The following RSRP1 variants were observed in gnomAD, a reference collection of about 807,000 sequenced individuals.
The protein encoded by RSRP1 is arginine and serine rich protein 1, also known as arginine/serine-rich protein 1.
A neutral mutation model predicts 33.0 loss-of-function variants in RSRP1; 37 were observed. The observed-to-expected ratio is 1.12, with a 90% CI of 0.86 to 1.48. The LOEUF (loss-of-function observed/expected upper bound fraction) is 1.48, where lower values mean the gene tolerates loss of function less well. Among genes scored for constraint, RSRP1 ranks in the 40% most tolerant of loss-of-function variants. The pLI is 0.00. For missense variants in RSRP1, 402 were observed against 385.3 expected, an observed-to-expected ratio of 1.04 and a Z score of -0.36; for synonymous variants, 167 against 158.7, an observed-to-expected ratio of 1.05 and a Z score of -0.40.
intron 3 of RSRP1, chr1:25,244,385 C>CT (rs1418056101): frequency 2.1e-5 from 27 of 1,289,316 alleles, no homozygotes; most frequent in Non-Finnish European, 2.5e-5. Context: ...AACAAAAAAA[C>CT]TAAGTTTTCA....
rs1210865236 is a variant in RSRP1, at chr1:25,332,045, T to C, written c.-67+5933A>G. Among the ~76,000 whole-genome samples the C allele has an allele frequency of 1.7e-5, 2 of 121,108 alleles. 1 individual carries two copies. The highest frequency in any genetic ancestry group is 1.6e-4 in the Admixed American group (2 of 12,434). The allele number at this position is 121,108 out of a possible 152,430, so 79.5% of individuals were successfully genotyped here. A position where few individuals can be genotyped will look rare whatever the true frequency, so the allele number is the denominator to read the frequency against. Reference sequence around the variant, plus strand: ...ATGAGCCACCGCGCCCAGCAGATTTTTTTTTTTTTTTTTGAGATGGAGTCT... The same window carrying C: ...ATGAGCCACCGCGCCCAGCAGATTTCTTTTTTTTTTTTTGAGATGGAGTCT... On this transcript the variant is annotated intron_variant, in intron 1 of 1. Transcript: ENST00000561867.
chr1:25,307,975 T>C (rs1485276945), intron 1 of RSRP1, among the ~76,000 whole-genome samples: 1 of 125,750 alleles, frequency 8.0e-6, no homozygotes, highest in African/African-American at 2.8e-5. Context: ...CTCTGAAAGA[T>C]GAGGACTTGA....
At chr1:25,244,002 C>T in intron 3 of RSRP1, 1 of 1,186,232 alleles carries the variant, frequency 8.4e-7, no homozygotes, top group African/African-American at 1.6e-5. Context: ...ACCTTGTCTA[C>T]TAATACTGAG....
At chr1:25,319,243 G>T (rs1430480798) in intron 1 of RSRP1, among the ~76,000 whole-genome samples, 1 of 131,930 alleles carries the variant, frequency 7.6e-6, no homozygotes, top group African/African-American at 2.6e-5. Context: ...GAGAATAGAG[G>T]AAAAGACAAT....
At chr1:25,259,646 G>A (rs192825617) in intron 1 of RSRP1, among the ~76,000 whole-genome samples, 1 of 152,182 alleles carries the variant, frequency 6.6e-6, no homozygotes, top group Non-Finnish European at 1.5e-5. Context: ...GGGATTACAA[G>A]TGCACACTAC....
upstream of RSRP1, among the ~76,000 whole-genome samples, chr1:25,251,519 G>A (rs1266394793): frequency 6.6e-6 from 1 of 151,948 alleles, no homozygotes; most frequent in Admixed American, 6.6e-5. Flanking sequence ...ACAGGCTTGT[G>A]CCATCATGCC....
rs1376159591 is a variant in RSRP1 at position 25,294,082 on chromosome 1, T to C, written c.-67+43896A>G. 3.9e-5 allele frequency: 26 copies of C among 674,586 alleles called. 6 individuals are homozygous for C. Among genetic ancestry groups the C allele is most frequent in the Admixed American group, 5.8e-5 (3 of 51,544 alleles). The allele number at this position is 674,586 out of a possible 1,614,324, so 41.8% of individuals were successfully genotyped here. On this transcript the variant is annotated intron_variant, in intron 1 of 1. Transcript: ENST00000561867. ...CACCAATGGGCTTATCTGTTATTTCTTCCTTATTGTGAGCTTAATGGCATG... is the reference window on the plus strand; with the variant it reads ...CACCAATGGGCTTATCTGTTATTTCCTCCTTATTGTGAGCTTAATGGCATG...
chr1:25,311,370 C>T (rs143704756), intron 1 of RSRP1, among the ~76,000 whole-genome samples: 3,008 of 130,298 alleles, frequency 0.023, 472 homozygotes, highest in African/African-American at 0.072. Flanking sequence ...AACTAGTACA[C>T]ATAAATTAGC....
At chr1:25,292,091 T>C (rs912891574) in intron 1 of RSRP1, among the ~76,000 whole-genome samples, 1 of 132,520 alleles carries the variant, frequency 7.5e-6, no homozygotes, top group African/African-American at 2.6e-5. Flanking sequence ...AGTTTCTTCA[T>C]CTGTAATATG....
At chr1:25,243,767 T>C (rs1323364903) in intron 3 of RSRP1, 134 bp from the exon 4 acceptor site, 4 of 1,432,678 alleles carry the variant, frequency 2.8e-6, no homozygotes, top group Non-Finnish European at 3.7e-6. Flanking sequence ...ACAGCCTAAG[T>C]AACAGAACTA....
At position 25,303,575 on chromosome 1, in the gene RSRP1, T is replaced by C. The variant is rs1643566478; in HGVS notation, c.-67+34403A>G. ...ATTAGGCAGGTGTCGGCGCATTCTCTTATTGGCTTCAACGCCTAGTGAGGG... is the reference window on the plus strand; with the variant it reads ...ATTAGGCAGGTGTCGGCGCATTCTCCTATTGGCTTCAACGCCTAGTGAGGG... On this transcript the variant is annotated intron_variant, in intron 1 of 1. Coordinates refer to the RSRP1 transcript ENST00000561867. The C allele has an allele frequency of 1.8e-6, 2 of 1,094,834 alleles. 1 individual carries two copies. The highest frequency in any genetic ancestry group is 3.9e-5 in the Admixed American group (2 of 50,880). 67.8% of individuals were successfully genotyped at this position (1,094,834 alleles called of 1,614,324 possible). A position where few individuals can be genotyped will look rare whatever the true frequency, so the allele number is the denominator to read the frequency against.
At chr1:25,246,146 G>A (rs16830525) in intron 2 of RSRP1, 5,711 of 361,424 alleles carry the variant, frequency 0.016, 254 homozygotes, top group African/African-American at 0.098. Flanking sequence ...TCCCAATCAC[G>A]TTAACTTAGA....
intron 1 of RSRP1, among the ~76,000 whole-genome samples, chr1:25,287,321 T>C (rs896344204): frequency 3.0e-5 from 4 of 134,408 alleles, no homozygotes; most frequent in African/African-American, 1.0e-4. Flanking sequence ...CCTCATCTGA[T>C]GTCCACAGGG....
In RSRP1 at chr1:25,318,673, T is replaced by C. The variant is rs1644540843; in HGVS notation, c.-67+19305A>G. ...ACATCTTTTATTGGTTAGACACCCA[T>C]ATATGTGTCCCTAAGCAGGAGGTGA... On this transcript the variant is annotated intron_variant, in intron 1 of 1. Coordinates refer to the RSRP1 transcript ENST00000561867. Among the ~76,000 whole-genome samples the C allele has an allele frequency of 1.5e-5, 2 of 132,834 alleles. 1 individual carries two copies. Among genetic ancestry groups the C allele is most frequent in the Admixed American group, 1.5e-4 (2 of 13,682 alleles). 87.1% of individuals were successfully genotyped at this position (132,834 alleles called of 152,430 possible).
chr1:25,267,877 C>G (rs1640364275), intron 1 of RSRP1: 1 of 131,736 alleles, frequency 7.6e-6, no homozygotes, highest in South Asian at 2.3e-4. Context: ...CCCAGAGCGG[C>G]GGAAAGCCCC....
intron 1 of RSRP1, among the ~76,000 whole-genome samples, chr1:25,254,986 A>G (rs1407870706): frequency 6.6e-6 from 1 of 152,304 alleles, no homozygotes; most frequent in East Asian, 1.9e-4. Flanking sequence ...TGCACAAAAT[A>G]TAACTCTTCC....
chr1:25,310,865 C>G (rs1309257400), intron 1 of RSRP1, among the ~76,000 whole-genome samples: 1 of 130,176 alleles, frequency 7.7e-6, no homozygotes, highest in African/African-American at 2.6e-5. Flanking sequence ...CTCAGCTACT[C>G]AGGAGGCTGA....
In RSRP1 at chr1:25,313,900, A is replaced by G. The variant is rs1388956888; in HGVS notation, c.-67+24078T>C. Among the ~76,000 whole-genome samples the G allele has an allele frequency of 5.3e-5, 7 of 133,320 alleles. 2 individuals are homozygous for G. The highest frequency in any genetic ancestry group is 5.1e-4 in the Admixed American group (7 of 13,668). 87.5% of individuals were successfully genotyped at this position (133,320 alleles called of 152,430 possible). A position where few individuals can be genotyped will look rare whatever the true frequency, so the allele number is the denominator to read the frequency against. ...GCCCTGTCATAAATGAATGCCAGAT[A>G]GGCAAATAGAGAATCTAAGAAAAGA... On this transcript the variant is annotated intron_variant, in intron 1 of 1. Transcript: ENST00000561867.
chr1:25,295,849 A>AGTT (rs1557534285), intron 1 of RSRP1, among the ~76,000 whole-genome samples: 13 of 33,728 alleles, frequency 3.9e-4, no homozygotes, highest in African/African-American at 6.4e-4. Context: ...GAATATGGGA[A>AGTT]ATTTTTTTTT....
Sources: allele counts gnomAD v4.1 joint callset (sites outside exome capture counted in the v4.1 genomes callset), GRCh38; gene constraint gnomAD v4.1.1; transcripts MANE v1.5; gene names NCBI Gene and HGNC (gene_info 2026-07-23, HGNC 2026-07-21).